HMGA2: variants seen among roughly 807,000 people sequenced by gnomAD.
The protein encoded by HMGA2 is high mobility group AT-hook 2.
HMGA2 carries 8 observed loss-of-function variants against 19.1 expected under a neutral mutation model. The observed-to-expected ratio is 0.42, with a 90% confidence interval of 0.25 to 0.76. The LOEUF is 0.76. Ranked by LOEUF, HMGA2 falls within the 30% of genes least tolerant of loss-of-function variation. The pLI is 0.28. For synonymous variants in HMGA2, 60 were observed against 48.8 expected, an observed-to-expected ratio of 1.23 and a Z score of -0.96; for missense variants, 109 against 136.3, an observed-to-expected ratio of 0.80 and a Z score of 1.00.
intron 3 of HMGA2, among the ~76,000 whole-genome samples, chr12:65,848,858 G>A (rs376057183): frequency 9.9e-4 from 150 of 151,798 alleles, no homozygotes; most frequent in Middle Eastern, 3.4e-3. Context: ...GCGAGACTCC[G>A]TCTCAAAAAA....
intron 3 of HMGA2, among the ~76,000 whole-genome samples, chr12:65,847,293 A>T (rs1292476815): frequency 1.3e-5 from 2 of 152,172 alleles, no homozygotes; most frequent in Non-Finnish European, 2.9e-5. Context: ...ACAGGCTCCA[A>T]AAAGAGGGAG....
intron 2 of HMGA2, among the ~76,000 whole-genome samples, chr12:65,835,317 T>C (rs543289461): frequency 2.0e-5 from 3 of 152,342 alleles, no homozygotes; most frequent in Non-Finnish European, 4.4e-5. Flanking sequence ...GGATCTAAGC[T>C]GGTTTACAAA....
chr12:65,870,423 G>A (rs1872651785), intron 3 of HMGA2, among the ~76,000 whole-genome samples: 1 of 152,162 alleles, frequency 6.6e-6, no homozygotes, highest in Admixed American at 6.5e-5. Flanking sequence ...CCTAAAGAAT[G>A]AATAGGATTC....
intron 4 of HMGA2, chr12:65,958,970 G>C (rs1876675856): frequency 1.3e-5 from 2 of 152,176 alleles, no homozygotes; most frequent in Admixed American, 1.3e-4. Flanking sequence ...TGTATTTCTT[G>C]GTTCCATTTA....
At chr12:65,952,252 T>C in intron 4 of HMGA2, 1 of 792,540 alleles carries the variant, frequency 1.3e-6, no homozygotes. Flanking sequence ...AGCAGTGTCA[T>C]GAGCTATCAA....
chr12:65,905,223 T>A (rs559665123), intron 3 of HMGA2, among the ~76,000 whole-genome samples: 1 of 152,040 alleles, frequency 6.6e-6, no homozygotes, highest in South Asian at 2.1e-4. Context: ...AAAATAAGGA[T>A]AAATACTAAA....
chr12:65,855,456 T>TCACACACA (rs1377421146), intron 3 of HMGA2, among the ~76,000 whole-genome samples: 64 of 52,902 alleles, frequency 1.2e-3, no homozygotes, highest in African/African-American at 2.9e-3. Flanking sequence ...TCTCTCTCTC[T>TCACACACA]CTCACACACA....
intron 3 of HMGA2, among the ~76,000 whole-genome samples, chr12:65,878,772 A>C (rs1486733274): frequency 6.6e-6 from 1 of 152,196 alleles, no homozygotes; most frequent in Middle Eastern, 3.2e-3. Flanking sequence ...AATGACTTGC[A>C]AGGAATGCAG....
At chr12:65,949,955 C>G (rs1300695503) in intron 3 of HMGA2, among the ~76,000 whole-genome samples, 1 of 152,178 alleles carries the variant, frequency 6.6e-6, no homozygotes, top group East Asian at 1.9e-4. Context: ...AAAAGATGCT[C>G]AACATCATTA....
At chr12:65,830,648 A>G (rs1870437167) in intron 2 of HMGA2, 1 of 151,940 alleles carries the variant, frequency 6.6e-6, no homozygotes, top group Non-Finnish European at 1.5e-5. Flanking sequence ...CAAAGTTTAT[A>G]TTTGGATTCA....
chr12:65,846,087 T>A lies in HMGA2; in HGVS notation c.249+7518T>A, dbSNP rs1238653924. Among the ~76,000 whole-genome samples the A allele has an allele frequency of 2.0e-5, 3 of 152,232 alleles. 1 individual carries two copies. Among genetic ancestry groups the A allele is most frequent in the Admixed American group, 1.3e-4 (2 of 15,288 alleles). ...AACAGCCAACATAAGGTTTTCAGAT[T>A]ATCTACATCCAGGCTCGCCCCCAAC... On this transcript the variant is annotated intron_variant, in intron 3 of 4. Transcript: ENST00000403681.
At position 65,825,742 on chromosome 12, in the gene HMGA2, G is replaced by T. The variant is rs1213339686; in HGVS notation, c.111+361G>T. 6.6e-6 allele frequency among the ~76,000 whole-genome samples: 1 copy of T among 152,178 alleles called. No individual in the cohort carries two copies. The highest frequency in any genetic ancestry group is 1.9e-4 in the East Asian group (1 of 5,162). On this transcript the variant is annotated intron_variant, in intron 1 of 4. Coordinates refer to ENST00000403681, the MANE Select transcript of HMGA2 (RefSeq NM_003483.6). The surrounding 1 kb of genome is among the most constrained non-coding windows in gnomAD (Gnocchi z 4.4). Reference sequence around the variant, plus strand: ...AAACCCGGGCTCGCAGGCGCTTTCCGAGTTGCTTTTGCAACTGCCCGGGAG... The same window carrying T: ...AAACCCGGGCTCGCAGGCGCTTTCCTAGTTGCTTTTGCAACTGCCCGGGAG...
chr12:65,937,064 C>A (rs1379997517), intron 3 of HMGA2, among the ~76,000 whole-genome samples: 1 of 152,184 alleles, frequency 6.6e-6, no homozygotes, highest in Non-Finnish European at 1.5e-5. Context: ...ACTTCCATAT[C>A]CTGGAAAGAG....
chr12:65,922,427 G>A (rs139495889), intron 3 of HMGA2, among the ~76,000 whole-genome samples: 2 of 152,246 alleles, frequency 1.3e-5, no homozygotes, highest in African/African-American at 4.8e-5. Context: ...ACAGGATTTC[G>A]GACTTCCATG....
At chr12:65,926,707 T>G (rs1201431810) in intron 3 of HMGA2, among the ~76,000 whole-genome samples, 1 of 152,204 alleles carries the variant, frequency 6.6e-6, no homozygotes, top group Non-Finnish European at 1.5e-5. Flanking sequence ...TGGTTTACAG[T>G]CTCATTAACC....
intron 3 of HMGA2, among the ~76,000 whole-genome samples, chr12:65,927,089 G>A (rs946031124): frequency 1.5e-4 from 23 of 152,068 alleles, no homozygotes; most frequent in African/African-American, 5.1e-4. Flanking sequence ...TTCAACACAC[G>A]GGAGTTTTAT....
chr12:65,853,230 C>G (rs11834895), intron 3 of HMGA2, among the ~76,000 whole-genome samples: 29,016 of 152,068 alleles, frequency 0.19, 5,855 homozygotes, highest in African/African-American at 0.5. Flanking sequence ...AGAAAGTAGC[C>G]TGGACATGGT....
intron 3 of HMGA2, among the ~76,000 whole-genome samples, chr12:65,901,954 T>C (rs1258983102): frequency 6.6e-6 from 1 of 152,236 alleles, no homozygotes; most frequent in Admixed American, 6.5e-5. Context: ...AAGTGTTTTA[T>C]GTGAGAACCA....
intron 4 of HMGA2, chr12:65,957,772 G>T (rs911784673): frequency 6.6e-6 from 1 of 152,186 alleles, no homozygotes; most frequent in Non-Finnish European, 1.5e-5. Context: ...CATTACTTCT[G>T]TTGCAGTATT....
Sources: gnomAD v4.1 joint callset for allele counts (sites outside exome capture counted in the v4.1 genomes callset) on GRCh38, gnomAD v4.1.1 for gene constraint, Gnocchi (gnomAD v3.1) non-coding constraint, MANE v1.5 for transcripts, NCBI Gene and HGNC (gene_info 2026-07-23, HGNC 2026-07-21) for gene names.